The following TAMM41 variants were observed in gnomAD, a reference collection of about 807,000 sequenced individuals.
The protein encoded by TAMM41 is TAM41 mitochondrial translocator assembly and maintenance homolog.
A neutral mutation model predicts 44.1 loss-of-function variants in TAMM41; 36 were observed. The ratio of observed to expected loss-of-function variants is 0.82; its 90% CI spans 0.63 to 1.08. The LOEUF is 1.08. Ranked by LOEUF, TAMM41 falls within the 50% of genes least tolerant of loss-of-function variation. The pLI, the probability that TAMM41 is intolerant of heterozygous loss-of-function variation, is 0.00. For synonymous variants in TAMM41, 164 were observed against 153.1 expected, an observed-to-expected ratio of 1.07 and a Z score of -0.53; for missense variants, 417 against 404.3, an observed-to-expected ratio of 1.03 and a Z score of -0.27.
At chr3:11,750,125 T>A in the TAMM41 span, among the ~76,000 whole-genome samples, 5 of 152,130 alleles carry the variant, frequency 3.3e-5, 1 homozygote, top group Admixed American at 3.3e-4. Context: ...CTCGATCTCC[T>A]GACCTCGTGA....
chr3:11,774,440 C>G, the TAMM41 span, among the ~76,000 whole-genome samples: 1 of 152,156 alleles, frequency 6.6e-6, no homozygotes, highest in Non-Finnish European at 1.5e-5. Flanking sequence ...GGGACTGTTA[C>G]CTAGATGGCC....
chr3:11,788,893 T>C (rs1192031079), downstream of TAMM41, among the ~76,000 whole-genome samples: 1 of 151,398 alleles, frequency 6.6e-6, no homozygotes, highest in Non-Finnish European at 1.5e-5. Flanking sequence ...GCCAAGATCA[T>C]GCCACTGCAT....
At chr3:11,731,304 A>G in the TAMM41 span, among the ~76,000 whole-genome samples, 1 of 152,166 alleles carries the variant, frequency 6.6e-6, no homozygotes, top group Non-Finnish European at 1.5e-5. Flanking sequence ...ATAAGGAGAC[A>G]TCATCCTCTT....
At chr3:11,779,934 T>C in the TAMM41 span, among the ~76,000 whole-genome samples, 1 of 152,178 alleles carries the variant, frequency 6.6e-6, no homozygotes, top group Non-Finnish European at 1.5e-5. Context: ...TGGCAAGCCC[T>C]TCTCCATAGT....
intron 4 of TAMM41, chr3:11,826,805 T>A (rs2078770872): frequency 6.6e-6 from 1 of 152,172 alleles, no homozygotes; most frequent in Non-Finnish European, 1.5e-5. Context: ...AGTTTTCTCA[T>A]CTGTAAAATG....
chr3:11,752,625 C>CTTTTTTTTTTTATTTTTTTTT, the TAMM41 span, among the ~76,000 whole-genome samples: 1 of 39,938 alleles, frequency 2.5e-5, no homozygotes, highest in Non-Finnish European at 5.0e-5. Context: ...TCTTACAAAG[C>CTTTTTTTTTTTATTTTTTTTT]TTTTTTTTTT....
intron 7 of TAMM41, among the ~76,000 whole-genome samples, chr3:11,806,081 G>A (rs902824700): frequency 6.6e-6 from 1 of 152,106 alleles, no homozygotes; most frequent in African/African-American, 2.4e-5. Context: ...TTCACCTTCC[G>A]CCATGATTCT....
chr3:11,826,507 C>T lies in TAMM41; in HGVS notation c.562+3207G>A, dbSNP rs891670506. ...TCTCACCACTGCACTCTAGCTTGGGCGACAGAGTGAGACCTTGTCTCTCAA... is the reference window on the plus strand; with the variant it reads ...TCTCACCACTGCACTCTAGCTTGGGTGACAGAGTGAGACCTTGTCTCTCAA... On this transcript the variant is annotated intron_variant, in intron 4 of 7. Coordinates refer to ENST00000455809, the MANE Select transcript of TAMM41 (RefSeq NM_001284401.2). Among the ~76,000 whole-genome samples the T allele has an allele frequency of 3.4e-5, 4 of 116,002 alleles. 1 individual carries two copies. The highest frequency in any genetic ancestry group is 1.2e-4 in the Admixed American group (1 of 8,008). 76.1% of individuals were successfully genotyped at this position (116,002 alleles called of 152,430 possible).
intron 7 of TAMM41, chr3:11,807,342 T>TAACCTCCCA (rs1278018155): frequency 1.4e-6 from 2 of 1,461,054 alleles, no homozygotes; most frequent in East Asian, 4.9e-5. Flanking sequence ...AGTTGACTTC[T>TAACCTCCCA]AACCTCCCAT....
the TAMM41 span, among the ~76,000 whole-genome samples, chr3:11,753,022 G>C: frequency 2.9e-4 from 44 of 152,188 alleles, no homozygotes; most frequent in East Asian, 7.7e-3. Flanking sequence ...GTCCGAAGGG[G>C]TTCAGATAGT....
chr3:11,796,335 T>G (rs1466272793), intron 7 of TAMM41, among the ~76,000 whole-genome samples: 2 of 152,148 alleles, frequency 1.3e-5, no homozygotes, highest in East Asian at 3.8e-4. Context: ...ACCTTGTGAG[T>G]TGGGTATTAG....
chr3:11,744,533 A>C, the TAMM41 span, among the ~76,000 whole-genome samples: 53 of 151,850 alleles, frequency 3.5e-4, no homozygotes, highest in African/African-American at 1.2e-3. Flanking sequence ...CATTTCTACT[A>C]AAAAAAGAAA....
intron 7 of TAMM41, chr3:11,807,100 G>C (rs773293285): frequency 3.0e-5 from 27 of 893,290 alleles, no homozygotes; most frequent in Non-Finnish European, 3.4e-5. Context: ...ACCAAAATGA[G>C]AGTGTGCACC....
the TAMM41 span, among the ~76,000 whole-genome samples, chr3:11,752,440 G>T: frequency 6.6e-6 from 1 of 151,894 alleles, no homozygotes; most frequent in African/African-American, 2.4e-5. Flanking sequence ...TTTACAGAAT[G>T]CTGATTGGTC....
chr3:11,758,382 C>T, the TAMM41 span, among the ~76,000 whole-genome samples: 2 of 152,140 alleles, frequency 1.3e-5, no homozygotes, highest in Non-Finnish European at 2.9e-5. Context: ...GACGGAGTCT[C>T]GCTCTGTTGC....
At chr3:11,823,254 G>GT (rs912198535) in intron 4 of TAMM41, among the ~76,000 whole-genome samples, 2,656 of 126,716 alleles carry the variant, frequency 0.021, 86 homozygotes, top group African/African-American at 0.052. Flanking sequence ...TGTTGTTGTT[G>GT]TTTTTTTTTT....
chr3:11,796,946 G>C (rs189521025), intron 7 of TAMM41, among the ~76,000 whole-genome samples: 9 of 152,268 alleles, frequency 5.9e-5, no homozygotes, highest in Non-Finnish European at 1.2e-4. Context: ...CCAGGGAGGT[G>C]AAAGATCTCT....
At chr3:11,762,039 G>T in the TAMM41 span, among the ~76,000 whole-genome samples, 17 of 151,566 alleles carry the variant, frequency 1.1e-4, no homozygotes, top group Admixed American at 9.2e-4. Context: ...GGTCTGAGTT[G>T]TTCTTGCACT....
chr3:11,757,058 G>C, the TAMM41 span, among the ~76,000 whole-genome samples: 41 of 152,150 alleles, frequency 2.7e-4, no homozygotes, highest in African/African-American at 8.9e-4. Flanking sequence ...ATTAACCTTT[G>C]CAAACATCCC....
Sources: gnomAD v4.1 joint callset for allele counts (sites outside exome capture counted in the v4.1 genomes callset) on GRCh38, gnomAD v4.1.1 for gene constraint, MANE v1.5 for transcripts, NCBI Gene and HGNC (gene_info 2026-07-23, HGNC 2026-07-21) for gene names.